Variants in ALDH16A1 observed in about 807,000 individuals in gnomAD.
ALDH16A1 encodes aldehyde dehydrogenase family 16 member A1.
In ALDH16A1, 88 loss-of-function variants were observed where a neutral mutation model predicts 96.1. That is an observed-to-expected ratio of 0.92 (90% confidence interval 0.77 to 1.09). The LOEUF (loss-of-function observed/expected upper bound fraction) is 1.09. Ranked by LOEUF, ALDH16A1 falls within the 50% of genes least tolerant of loss-of-function variation. ALDH16A1 has a pLI of 0.00. For synonymous variants in ALDH16A1, 522 were observed against 496.4 expected (o/e 1.05, Z -0.69); for missense variants, 1,250 against 1,112.6 (o/e 1.12, Z -1.76).
Position 49,458,942 on chromosome 19 carries a change from C to T in ALDH16A1, c.194-18C>T, listed in dbSNP as rs1352845004. On this transcript the variant is annotated intron_variant, in intron 2 of 16. Coordinates refer to ENST00000293350, the MANE Select transcript of ALDH16A1 (RefSeq NM_153329.4). ...TGGGCTACTCCTCCCATCTGAGTCC[C>T]CCCACTTTTCTCCCCAGGAGAGAAC... is the stretch of plus-strand genomic sequence containing the variant. 6.2e-7 allele frequency: 1 copy of T among 1,606,760 alleles called. No homozygotes were observed. The highest frequency in any genetic ancestry group is 1.1e-5 in the South Asian group (1 of 90,842).
chr19:49,466,715 C>T lies in ALDH16A1; in HGVS notation c.1938+432C>T, dbSNP rs577334079. On this transcript the variant is annotated intron_variant, in intron 14 of 16. Coordinates refer to ENST00000293350, the MANE Select transcript of ALDH16A1 (RefSeq NM_153329.4). ...CTCTACTAAAAATACAAAAAATTAGCTGGGTACGGTGGTGGGCACCTATAG... is the reference window on the plus strand; with the variant it reads ...CTCTACTAAAAATACAAAAAATTAGTTGGGTACGGTGGTGGGCACCTATAG... Among the ~76,000 whole-genome samples the T allele has an allele frequency of 4.7e-5, 7 of 150,398 alleles. No individual in the cohort carries two copies. In the South Asian group the frequency reaches 1.1e-3, roughly 23 times the overall value.
chr19:49,470,542 TC>T lies in ALDH16A1; in HGVS notation c.*79del. 7.1e-7 allele frequency: 1 copy of T among 1,404,012 alleles called. No individual in the cohort carries two copies. Among genetic ancestry groups the T allele is most frequent in the Non-Finnish European group, 9.3e-7 (1 of 1,074,122 alleles). The allele number at this position is 1,404,012 out of a possible 1,614,324, so 87.0% of individuals were successfully genotyped here. On this transcript the variant is annotated 3_prime_UTR_variant, in exon 17 of 17. Coordinates refer to ENST00000293350, the MANE Select transcript of ALDH16A1 (RefSeq NM_153329.4). ...TGCACCCCACAGACACCTGGGACTTTCCCCTTCTGGTTCCTGTGTCTCCCAA... is the reference window on the plus strand; with the variant it reads ...TGCACCCCACAGACACCTGGGACTTTCCCTTCTGGTTCCTGTGTCTCCCAA...
In ALDH16A1 at chr19:49,459,074, A is replaced by G. The variant is rs758888068; in HGVS notation, c.308A>G (p.Gln103Arg). 9 of 1,612,822 alleles carry G rather than the reference A, an allele frequency of 5.6e-6. No homozygotes were observed. The highest frequency in any genetic ancestry group is 1.7e-4 in the Middle Eastern group (1 of 6,048). ...WSAHPGVVRA[Q>R]HLTRLAEVIQ... ...GCGCACCCCGGCGTCGTCCGGGCCCAGCACCTGACCAGGTGATGCAGCTGA... is the reference window on the plus strand; with the variant it reads ...GCGCACCCCGGCGTCGTCCGGGCCCGGCACCTGACCAGGTGATGCAGCTGA... The change falls in exon 3 of 17, where the codon CAG (glutamine) becomes CGG (arginine). Residue 103 changes from glutamine (Q) to arginine (R), a missense_variant. Gln to Arg is a conservative substitution (Grantham distance 43). Transcript: ENST00000293350. The surrounding 1 kb of genome is among the most constrained non-coding windows in gnomAD (Gnocchi z 4.1).
chr19:49,462,844 G>A lies in ALDH16A1; in HGVS notation c.1098+89G>A, dbSNP rs1274975147. ...GGTCCAAGGGAGGAGGGAGCTGGGC[G>A]TGGACAACTGGGTCCGAGGAAGGAG... On this transcript the variant is annotated intron_variant, in intron 8 of 16. Transcript: ENST00000293350. The A allele has an allele frequency of 6.3e-6, 8 of 1,273,792 alleles. No homozygotes were observed. In the Admixed American group the frequency reaches 1.6e-4, roughly 25 times the overall value. The allele number at this position is 1,273,792 out of a possible 1,614,324, so 78.9% of individuals were successfully genotyped here.
chr19:49,459,972 G>A lies in ALDH16A1; in HGVS notation c.499+124G>A, dbSNP rs1156717753. On this transcript the variant is annotated intron_variant, in intron 4 of 16. Coordinates refer to ENST00000293350, the MANE Select transcript of ALDH16A1 (RefSeq NM_153329.4). The surrounding 1 kb of genome is among the most constrained non-coding windows in gnomAD (Gnocchi z 4.1). The stretch of plus-strand genomic sequence containing the variant: ...GTCGCCCAGGCCGGAGTGCAGTGGC[G>A]CAATCTTGGCTCACTATAACCTCCG... 32 of 1,190,450 alleles carry A rather than the reference G, an allele frequency of 2.7e-5. No homozygotes were observed. The highest frequency in any genetic ancestry group is 2.1e-4 in the Middle Eastern group (1 of 4,718). The allele number at this position is 1,190,450 out of a possible 1,614,324, so 73.7% of individuals were successfully genotyped here. A position where few individuals can be genotyped will look rare whatever the true frequency, so the allele number is the denominator to read the frequency against.
rs377051527 is a variant in ALDH16A1, at chr19:49,461,946, G to T, written c.822G>T (p.Gly274=). The T allele has an allele frequency of 1.3e-6, 2 of 1,571,394 alleles. No homozygotes were observed. Among genetic ancestry groups the T allele is most frequent in the Non-Finnish European group, 8.6e-7 (1 of 1,160,616 alleles). The change falls in exon 7 of 17, where the codon GGG becomes GGT. Residue 274 remains glycine, a synonymous_variant. Coordinates refer to ENST00000293350, the MANE Select transcript of ALDH16A1 (RefSeq NM_153329.4). ...GTGCGGAGCTGGGCCTGGCGCTGGGGACGGAGTCGCTGCTGCTGCTGACGG... is the reference window on the plus strand; with the variant it reads ...GTGCGGAGCTGGGCCTGGCGCTGGGTACGGAGTCGCTGCTGCTGCTGACGG... ...GECAELGLAL[G]TESLLLLTDT...
At chr19:49,458,614 T>G in intron 2 of ALDH16A1, 26 bp downstream of exon 2, 1 of 1,548,556 alleles carries the variant, frequency 6.5e-7, no homozygotes. Flanking sequence ...CAGTCATTAG[T>G]GGAAGGGAGG....
intron 7 of ALDH16A1, 144 bp downstream of exon 7, chr19:49,462,180 T>G: frequency 7.8e-7 from 1 of 1,281,238 alleles, no homozygotes; most frequent in Non-Finnish European, 1.0e-6. Flanking sequence ...TCGCCCAGGC[T>G]GGGGTGCAGC....
Position 49,462,609 on chromosome 19 carries a change from G to A in ALDH16A1, c.952G>A (p.Glu318Lys), listed in dbSNP as rs751772019. The A allele has an allele frequency of 3.1e-6, 5 of 1,613,032 alleles. No homozygotes were observed. The highest frequency in any genetic ancestry group is 1.7e-5 in the Admixed American group (1 of 59,990). ...RLLIQESVWD[E>K]AMRRLQERMG... The stretch of plus-strand genomic sequence containing the variant: ...CCTCATCCAGGAGTCTGTGTGGGAT[G>A]AAGCCATGAGACGGCTGCAGGAGCG... Residue 318 changes from glutamate to lysine, a missense_variant, in exon 8 of 17, where the codon GAA becomes AAA. Coordinates refer to ENST00000293350, the MANE Select transcript of ALDH16A1 (RefSeq NM_153329.4).
intron 2 of ALDH16A1, 41 bp from the exon 3 acceptor site, chr19:49,458,919 G>C: frequency 6.3e-7 from 1 of 1,597,452 alleles, no homozygotes; most frequent in Non-Finnish European, 8.6e-7. Flanking sequence ...ATATGACATG[G>C]GCTACTCCTC....
chr19:49,469,543 C>T (rs964377602), intron 16 of ALDH16A1: 3 of 151,888 alleles, frequency 2.0e-5, no homozygotes, highest in Admixed American at 6.6e-5. Flanking sequence ...GCCAGCACAA[C>T]TGGTTGAGTC....
intron 16 of ALDH16A1, 86 bp from the exon 17 acceptor site, chr19:49,470,220 G>C: frequency 1.3e-6 from 2 of 1,517,546 alleles, no homozygotes; most frequent in Non-Finnish European, 1.8e-6. Flanking sequence ...GAAGCCCCTC[G>C]TCAGTAACAG....
intron 16 of ALDH16A1, chr19:49,470,001 T>G: frequency 3.6e-6 from 1 of 275,584 alleles, no homozygotes; most frequent in South Asian, 6.1e-5. Context: ...CAGGAGCGAG[T>G]CACCGCGCCC....
In ALDH16A1 at chr19:49,468,076, C is replaced by T. The variant is rs1042894444; in HGVS notation, c.1939-305C>T. Among the ~76,000 whole-genome samples, 55 of 149,768 alleles carry T rather than the reference C, an allele frequency of 3.7e-4. No individual in the cohort carries two copies. Among genetic ancestry groups the T allele is most frequent in the African/African-American group, 1.2e-3 (48 of 40,442 alleles). The stretch of plus-strand genomic sequence containing the variant: ...TCAGGAGACTGAGGCAGGAGAATGG[C>T]GTGAACCCGGGAGGCGGAGGTTGCA... On this transcript the variant is annotated intron_variant, in intron 14 of 16. Transcript: ENST00000293350. This position sits in a 1 kb window ranked among gnomAD's most constrained non-coding sequence, Gnocchi z 4.4.
chr19:49,458,404 C>T, intron 1 of ALDH16A1, 82 bp from the exon 2 acceptor site: 1 of 1,048,140 alleles, frequency 9.5e-7, no homozygotes, highest in East Asian at 2.6e-5. Flanking sequence ...GACAGACGTC[C>T]CCTCCTAGAG....
chr19:49,469,018 A>T, intron 16 of ALDH16A1, 32 bp downstream of exon 16: 1 of 1,585,144 alleles, frequency 6.3e-7, no homozygotes, highest in South Asian at 1.1e-5. Flanking sequence ...CATCTTCAGC[A>T]TCTCAAACTT....
At position 49,464,522 on chromosome 19, in the gene ALDH16A1, C is replaced by T. The variant is rs201895597; in HGVS notation, c.1437C>T (p.Asp479=). Residue 479 remains aspartate, a splice_region_variant and synonymous_variant, in exon 11 of 17, where the codon GAC becomes GAT. Transcript: ENST00000293350. ...GGTGTTCCTGGCACGGGGGCCCAGACGTGAGTACATCCCCTCCCCGTCACC... is the reference window on the plus strand; with the variant it reads ...GGTGTTCCTGGCACGGGGGCCCAGATGTGAGTACATCCCCTCCCCGTCACC... ...ESGCSWHGGP[D]GLYEYLRPSG... The T allele has an allele frequency of 4.0e-4, 648 of 1,613,854 alleles. No homozygotes were observed. The highest frequency in any genetic ancestry group is 1.1e-3 in the Admixed American group (68 of 60,002).
At position 49,470,644 on chromosome 19, in the gene ALDH16A1, T is replaced by TTTTA; in HGVS notation, c.*180_*181insATTT. On this transcript the variant is annotated 3_prime_UTR_variant, in exon 17 of 17. Coordinates refer to ENST00000293350, the MANE Select transcript of ALDH16A1 (RefSeq NM_153329.4). ...GCAACTTCTGGCAGATATGAGGCTT[T>TTTTA]TTTCTTTTTTTTTTTTTTTTTTGAG... 3 of 565,158 alleles carry TTTTA rather than the reference T, an allele frequency of 5.3e-6. No homozygotes were observed. The highest frequency in any genetic ancestry group is 7.9e-6 in the Non-Finnish European group (3 of 381,004). The allele number at this position is 565,158 out of a possible 1,614,324, so 35.0% of individuals were successfully genotyped here. A position where few individuals can be genotyped will look rare whatever the true frequency, so the allele number is the denominator to read the frequency against.
Position 49,468,788 on chromosome 19 carries a change from A to G in ALDH16A1, c.2125-76A>G, listed in dbSNP as rs1487003345. On this transcript the variant is annotated intron_variant, in intron 15 of 16. Coordinates refer to ENST00000293350, the MANE Select transcript of ALDH16A1 (RefSeq NM_153329.4). The surrounding 1 kb of genome is among the most constrained non-coding windows in gnomAD (Gnocchi z 4.4). ...ATGACCCCCCATCCCCTTCCCTCCC[A>G]TGGGCACCCCCTGAATGCCCACTCC... 6.7e-7 allele frequency: 1 copy of G among 1,487,496 alleles called. No homozygotes were observed. Among genetic ancestry groups the G allele is most frequent in the African/African-American group, 1.5e-5 (1 of 67,584 alleles). The allele number at this position is 1,487,496 out of a possible 1,614,324, so 92.1% of individuals were successfully genotyped here.
Sources: allele counts gnomAD v4.1 joint callset (sites outside exome capture counted in the v4.1 genomes callset), GRCh38; gene constraint gnomAD v4.1.1; non-coding constraint Gnocchi (gnomAD v3.1); transcripts MANE v1.5; gene names NCBI Gene and HGNC (gene_info 2026-07-23, HGNC 2026-07-21).